Variants in C16orf74 observed in about 807,000 individuals in gnomAD.
C16orf74 encodes the protein calcimembrin, also known as uncharacterized protein C16orf74.
C16orf74 carries 10 observed loss-of-function variants against 6.5 expected under a neutral mutation model. The observed-to-expected ratio is 1.54, with a 90% CI of 0.95 to 2.61. The LOEUF is 2.61. Ranked by LOEUF, C16orf74 falls within the 30% of genes most tolerant of loss-of-function variation. The probability of loss-of-function intolerance (pLI) is 0.00; values close to 1 mark genes in which losing one functional copy is unlikely to be tolerated. For synonymous variants in C16orf74, 60 were observed against 42.5 expected (o/e 1.41, Z -1.60); for missense variants, 141 against 105.9 (o/e 1.33, Z -1.45).
chr16:85,750,660 G>A (rs115219793), intron 1 of C16orf74, among the ~76,000 whole-genome samples: 5,377 of 152,242 alleles, frequency 0.035, 202 homozygotes, highest in African/African-American at 0.094. Flanking sequence ...AGAGGCTTCC[G>A]CGCGGGGTCA....
intron 1 of C16orf74, among the ~76,000 whole-genome samples, chr16:85,744,384 C>G (rs1224390384): frequency 2.0e-5 from 3 of 151,988 alleles, no homozygotes. Context: ...TATAAATGTT[C>G]TATCTTTTTC....
At chr16:85,741,086 G>A (rs567288659) in intron 1 of C16orf74, among the ~76,000 whole-genome samples, 3 of 152,172 alleles carry the variant, frequency 2.0e-5, no homozygotes, top group African/African-American at 7.2e-5. Context: ...GGAAAGAAAG[G>A]CAACATCCAG....
Position 85,707,738 on chromosome 16 carries a change from C to G in C16orf74, c.*270G>C. Reference sequence around the variant, plus strand: ...CTCCCTGGGACCCCAACAGCCAGGACCATGGCGCTCCCTTTCACCAGGCCG... The same window carrying G: ...CTCCCTGGGACCCCAACAGCCAGGAGCATGGCGCTCCCTTTCACCAGGCCG... On this transcript the variant is annotated 3_prime_UTR_variant, in exon 4 of 4. Transcript: ENST00000284245. 2.0e-6 allele frequency: 1 copy of G among 491,620 alleles called. No individual in the cohort carries two copies. The highest frequency in any genetic ancestry group is 3.6e-6 in the Non-Finnish European group (1 of 275,068). 30.5% of individuals were successfully genotyped at this position (491,620 alleles called of 1,614,324 possible).
intron 1 of C16orf74, among the ~76,000 whole-genome samples, chr16:85,742,620 C>T (rs1461429109): frequency 1.3e-5 from 2 of 152,148 alleles, no homozygotes; most frequent in East Asian, 3.9e-4. Flanking sequence ...CGGCTCACTG[C>T]AACCTCCGCC....
intron 2 of C16orf74, among the ~76,000 whole-genome samples, chr16:85,727,125 A>T (rs1567807258): frequency 6.6e-6 from 1 of 152,254 alleles, no homozygotes; most frequent in Non-Finnish European, 1.5e-5. Flanking sequence ...AGTGCACGGT[A>T]GGGACGCAAT....
chr16:85,740,256 G>C (rs1403656975), intron 1 of C16orf74, among the ~76,000 whole-genome samples: 2 of 139,316 alleles, frequency 1.4e-5, no homozygotes, highest in African/African-American at 5.4e-5. Flanking sequence ...CTTGCTCTTA[G>C]AAAATATACA....
intron 1 of C16orf74, among the ~76,000 whole-genome samples, chr16:85,746,799 C>A (rs1369970968): frequency 3.3e-5 from 5 of 152,226 alleles, no homozygotes; most frequent in African/African-American, 1.2e-4. Context: ...GGGCTCCCAG[C>A]AGGCTCACGA....
At chr16:85,728,964 T>C (rs1355567460) in intron 2 of C16orf74, among the ~76,000 whole-genome samples, 6 of 152,210 alleles carry the variant, frequency 3.9e-5, no homozygotes, top group Non-Finnish European at 8.8e-5. Context: ...GTTGATCCAG[T>C]GGGTCCTGAG....
At chr16:85,717,085 C>T (rs1304923043) in intron 2 of C16orf74, among the ~76,000 whole-genome samples, 2 of 152,212 alleles carry the variant, frequency 1.3e-5, no homozygotes, top group Non-Finnish European at 2.9e-5. Flanking sequence ...GTCACCAGGC[C>T]CTGACCCCCG....
intron 2 of C16orf74, among the ~76,000 whole-genome samples, chr16:85,732,725 C>T (rs1281161446): frequency 6.7e-6 from 1 of 149,424 alleles, no homozygotes; most frequent in African/African-American, 2.4e-5. Context: ...CCCCAAGTCA[C>T]CCCCATGCTT....
intron 3 of C16orf74, among the ~76,000 whole-genome samples, chr16:85,709,229 C>T (rs1423557549): frequency 1.3e-5 from 2 of 152,192 alleles, no homozygotes; most frequent in East Asian, 1.9e-4. Flanking sequence ...TGGCAGGTGC[C>T]TGTAATCCCA....
intron 2 of C16orf74, among the ~76,000 whole-genome samples, chr16:85,712,177 A>T (rs1269245869): frequency 3.9e-5 from 6 of 152,228 alleles, no homozygotes; most frequent in Non-Finnish European, 7.4e-5. Flanking sequence ...CCTCCTCAGC[A>T]GTGGAGCCTC....
chr16:85,748,780 C>T (rs1567815746), intron 1 of C16orf74, among the ~76,000 whole-genome samples: 1 of 152,024 alleles, frequency 6.6e-6, no homozygotes. Flanking sequence ...TGCTGGTCTG[C>T]GGGGTCTCAA....
At chr16:85,741,552 G>A (rs1416618197) in intron 1 of C16orf74, 3 of 170,098 alleles carry the variant, frequency 1.8e-5, no homozygotes, top group Non-Finnish European at 4.4e-5. Flanking sequence ...TTGATGTGGG[G>A]TGTGTGGAAC....
chr16:85,743,957 G>A (rs2054340175), intron 1 of C16orf74, among the ~76,000 whole-genome samples: 1 of 152,088 alleles, frequency 6.6e-6, no homozygotes, highest in Non-Finnish European at 1.5e-5. Flanking sequence ...GGGACGCTGA[G>A]GCAGGAGAAC....
chr16:85,744,253 GA>G (rs2054345081), intron 1 of C16orf74: 1 of 126,856 alleles, frequency 7.9e-6, no homozygotes, highest in Non-Finnish European at 1.7e-5. Flanking sequence ...AAAAAGAAAA[GA>G]AAAGAAAAAG....
chr16:85,735,672 C>T (rs575248659), intron 1 of C16orf74, among the ~76,000 whole-genome samples: 2 of 149,462 alleles, frequency 1.3e-5, no homozygotes, highest in East Asian at 3.9e-4. Context: ...CCATGTACCT[C>T]CCGTTCTAAT....
chr16:85,745,599 G>A (rs893212631), intron 1 of C16orf74, among the ~76,000 whole-genome samples: 4 of 149,490 alleles, frequency 2.7e-5, no homozygotes, highest in East Asian at 4.0e-4. Context: ...CCCGCTGGCT[G>A]AGGGACCCTG....
intron 2 of C16orf74, among the ~76,000 whole-genome samples, chr16:85,728,196 A>T (rs1028695073): frequency 6.6e-6 from 1 of 152,090 alleles, no homozygotes; most frequent in African/African-American, 2.4e-5. Flanking sequence ...TAAATAAATA[A>T]CAATGGATTT....
Sources: allele counts gnomAD v4.1 joint callset (sites outside exome capture counted in the v4.1 genomes callset), GRCh38; gene constraint gnomAD v4.1.1; transcripts MANE v1.5; gene names NCBI Gene and HGNC (gene_info 2026-07-23, HGNC 2026-07-21).